SV2C: variants seen among roughly 807,000 people sequenced by gnomAD.
SV2C encodes the protein synaptic vesicle glycoprotein 2C.
Under a neutral mutation model 79.7 loss-of-function variants are expected in SV2C, and 49 were observed. That is an observed-to-expected ratio of 0.61 (90% CI 0.49 to 0.78). The LOEUF is 0.78. Ranked by LOEUF, SV2C falls within the 30% of genes least tolerant of loss-of-function variation. SV2C has a pLI of 0.00. For synonymous variants in SV2C, 334 were observed against 333.2 expected, an observed-to-expected ratio of 1.00 and a Z score of -0.03; for missense variants, 833 against 912.9, an observed-to-expected ratio of 0.91 and a Z score of 1.13.
At chr5:76,285,361 T>C (rs2112496038) in intron 5 of SV2C, 66 bp downstream of exon 5, 22 of 1,587,796 alleles carry the variant, frequency 1.4e-5, no homozygotes, top group Non-Finnish European at 1.7e-5. Context: ...TTGTTAATTC[T>C]AGGAAAGCAC....
intron 2 of SV2C, among the ~76,000 whole-genome samples, chr5:76,152,408 G>A (rs1178037572): frequency 6.6e-6 from 1 of 152,170 alleles, no homozygotes; most frequent in Non-Finnish European, 1.5e-5. Context: ...AGCCATTTGG[G>A]TCATTAAGTG....
At chr5:76,301,224 G>A (rs1269476323) in intron 11 of SV2C, among the ~76,000 whole-genome samples, 162 bp from the exon 12 acceptor site, 1 of 152,194 alleles carries the variant, frequency 6.6e-6, no homozygotes, top group East Asian at 1.9e-4. Flanking sequence ...GGCAGTTAGA[G>A]CCTTTCATTC....
At chr5:76,031,473 G>A in the SV2C span, among the ~76,000 whole-genome samples, 1 of 152,206 alleles carries the variant, frequency 6.6e-6, no homozygotes, top group Non-Finnish European at 1.5e-5. Flanking sequence ...CTCGGTGCCT[G>A]CCAGGGGCTG....
At chr5:76,314,986 A>ATATT (rs1297022596) in intron 12 of SV2C, among the ~76,000 whole-genome samples, 1 of 152,168 alleles carries the variant, frequency 6.6e-6, no homozygotes, top group Non-Finnish European at 1.5e-5. Context: ...CCTTCCCAGA[A>ATATT]TATTTGATTT....
the SV2C span, among the ~76,000 whole-genome samples, chr5:75,908,870 T>C: frequency 3.3e-5 from 5 of 152,226 alleles, no homozygotes; most frequent in Admixed American, 2.0e-4. Flanking sequence ...CATAATCGTG[T>C]ATAATAAACT....
intron 2 of SV2C, among the ~76,000 whole-genome samples, chr5:76,151,100 G>A (rs1042441704): frequency 1.3e-5 from 2 of 152,148 alleles, no homozygotes; most frequent in Non-Finnish European, 2.9e-5. Flanking sequence ...AGGAGGAGTG[G>A]ATTTTTAAAA....
At chr5:76,295,031 T>A (rs1325765012) in intron 8 of SV2C, among the ~76,000 whole-genome samples, 2 of 151,644 alleles carry the variant, frequency 1.3e-5, no homozygotes, top group Non-Finnish European at 2.9e-5. Context: ...GGAGAGAGAG[T>A]TTCTCAGAGC....
the SV2C span, among the ~76,000 whole-genome samples, chr5:75,973,088 A>T: frequency 6.6e-6 from 1 of 151,850 alleles, no homozygotes; most frequent in African/African-American, 2.4e-5. Flanking sequence ...AAAAAACCAA[A>T]CACTACATGT....
At chr5:76,123,449 C>A (rs1160648583) in intron 1 of SV2C, among the ~76,000 whole-genome samples, 2 of 152,168 alleles carry the variant, frequency 1.3e-5, no homozygotes, top group African/African-American at 4.8e-5. Context: ...GACCAATATC[C>A]TTGATGAACA....
the SV2C span, among the ~76,000 whole-genome samples, chr5:75,997,388 T>C: frequency 6.7e-6 from 1 of 149,730 alleles, no homozygotes; most frequent in East Asian, 2.0e-4. Flanking sequence ...AAACCTACCA[T>C]CAGAGTGAAC....
chr5:75,903,492 C>T, the SV2C span, among the ~76,000 whole-genome samples: 2 of 152,104 alleles, frequency 1.3e-5, no homozygotes, highest in African/African-American at 2.4e-5. Flanking sequence ...CAAGTGTGAC[C>T]TACACTTTCT....
At chr5:76,165,899 A>G (rs922829107) in intron 2 of SV2C, among the ~76,000 whole-genome samples, 3 of 152,168 alleles carry the variant, frequency 2.0e-5, no homozygotes, top group African/African-American at 4.8e-5. Flanking sequence ...ATTGAGAGTG[A>G]GAGAGGTGAG....
chr5:76,174,280 C>A, intron 2 of SV2C: 1 of 1,234,610 alleles, frequency 8.1e-7, no homozygotes, highest in South Asian at 1.3e-5. Context: ...CGGGTCGCTA[C>A]TCTAGGCGCC....
chr5:75,945,347 C>T, the SV2C span, among the ~76,000 whole-genome samples: 2 of 151,772 alleles, frequency 1.3e-5, no homozygotes, highest in African/African-American at 4.8e-5. Flanking sequence ...CACAGAGTCT[C>T]ACTCTGTCAT....
chr5:76,219,457 T>TA (rs962787671), intron 4 of SV2C, among the ~76,000 whole-genome samples: 44 of 152,316 alleles, frequency 2.9e-4, no homozygotes, highest in Non-Finnish European at 4.7e-4. Context: ...TGTGAAATTT[T>TA]AAAAAAATTA....
chr5:75,929,598 G>A, the SV2C span, among the ~76,000 whole-genome samples: 3 of 152,030 alleles, frequency 2.0e-5, no homozygotes, highest in Non-Finnish European at 4.4e-5. Context: ...AAGAATTTAT[G>A]AGAACTTATG....
intron 4 of SV2C, among the ~76,000 whole-genome samples, chr5:76,262,969 C>T (rs1296197060): frequency 1.3e-5 from 2 of 152,160 alleles, no homozygotes; most frequent in East Asian, 1.9e-4. Context: ...GAGCTGAGTT[C>T]AAGTCCTGAA....
In SV2C at chr5:76,132,346, C is replaced by A; in HGVS notation, c.580+16C>A. 6.3e-7 allele frequency: 1 copy of A among 1,586,432 alleles called. No individual in the cohort carries two copies. The highest frequency in any genetic ancestry group is 1.1e-5 in the South Asian group (1 of 87,152). On this transcript the variant is annotated intron_variant, in intron 2 of 12. Transcript: ENST00000502798. ...GGATGGCTAGGTGAGTGTGTGGTGT[C>A]AGTGAGGCCAACTCTGAAACTGGCT...
At chr5:76,049,165 C>T in the SV2C span, among the ~76,000 whole-genome samples, 1 of 151,466 alleles carries the variant, frequency 6.6e-6, no homozygotes, top group African/African-American at 2.4e-5. Context: ...ATGAAACACC[C>T]GTTCTACTAA....
Sources: gnomAD v4.1 joint callset for allele counts (sites outside exome capture counted in the v4.1 genomes callset) on GRCh38, gnomAD v4.1.1 for gene constraint, MANE v1.5 for transcripts, NCBI Gene and HGNC (gene_info 2026-07-23, HGNC 2026-07-21) for gene names.